PARD3: variants seen among roughly 807,000 people sequenced by gnomAD.
PARD3 encodes the protein partitioning defective 3 homolog.
A neutral mutation model predicts 155.4 loss-of-function variants in PARD3; 75 were observed. That is an observed-to-expected ratio of 0.48 (90% CI 0.40 to 0.58). The LOEUF (loss-of-function observed/expected upper bound fraction) is 0.58. PARD3 is among the 20% of genes least tolerant of loss of function. The pLI is 0.00. For missense variants in PARD3, 1,642 were observed against 1,721.7 expected, an observed-to-expected ratio of 0.95 and a Z score of 0.82; for synonymous variants, 576 against 610.5, an observed-to-expected ratio of 0.94 and a Z score of 0.83.
chr10:34,390,570 C>T (rs938486727), intron 7 of PARD3, among the ~76,000 whole-genome samples: 1 of 152,112 alleles, frequency 6.6e-6, no homozygotes, highest in African/African-American at 2.4e-5. Context: ...CTAAGTGAGG[C>T]TAACTTGCCC....
chr10:34,513,792 G>A (rs774646860), intron 3 of PARD3, among the ~76,000 whole-genome samples: 1 of 152,146 alleles, frequency 6.6e-6, no homozygotes, highest in Non-Finnish European at 1.5e-5. Context: ...ACTGACATCT[G>A]GGCTGCAGAG....
At chr10:34,301,193 C>T (rs140399913) in intron 20 of PARD3, among the ~76,000 whole-genome samples, 4 of 152,266 alleles carry the variant, frequency 2.6e-5, no homozygotes, top group Non-Finnish European at 5.9e-5. Context: ...GCTAGCCACA[C>T]CTGCATCATA....
intron 2 of PARD3, among the ~76,000 whole-genome samples, chr10:34,567,531 G>A (rs1390040657): frequency 1.3e-5 from 2 of 152,094 alleles, no homozygotes; most frequent in Non-Finnish European, 2.9e-5. Context: ...TTTTTACACA[G>A]GTTTGACTTA....
intron 20 of PARD3, among the ~76,000 whole-genome samples, chr10:34,308,143 C>A (rs751302121): frequency 2.7e-5 from 4 of 150,040 alleles, no homozygotes; most frequent in Admixed American, 6.6e-5. Context: ...AAGGAAAGAG[C>A]GGTAGGGACA....
At chr10:34,367,448 G>T (rs1840074821) in intron 12 of PARD3, among the ~76,000 whole-genome samples, 1 of 152,232 alleles carries the variant, frequency 6.6e-6, no homozygotes, top group African/African-American at 2.4e-5. Flanking sequence ...GCTCACGCCT[G>T]TAATCCCGGC....
chr10:34,755,974 A>G (rs992387365), intron 1 of PARD3, among the ~76,000 whole-genome samples: 1 of 151,968 alleles, frequency 6.6e-6, no homozygotes, highest in African/African-American at 2.4e-5. Context: ...ACAACCATGA[A>G]GATGCCCATG....
intron 22 of PARD3, among the ~76,000 whole-genome samples, chr10:34,224,007 T>C (rs1415752248): frequency 1.3e-5 from 2 of 152,236 alleles, no homozygotes; most frequent in African/African-American, 4.8e-5. Context: ...GTGGATATTT[T>C]AAAAGCTTGT....
At chr10:34,289,352 G>T (rs549687643) in intron 20 of PARD3, among the ~76,000 whole-genome samples, 111 of 152,134 alleles carry the variant, frequency 7.3e-4, no homozygotes, top group Non-Finnish European at 1.1e-3. Flanking sequence ...ACCACACCTG[G>T]CTAATTTTTG....
chr10:34,568,593 T>G (rs1261521870), intron 2 of PARD3, among the ~76,000 whole-genome samples: 2 of 152,126 alleles, frequency 1.3e-5, no homozygotes, highest in African/African-American at 4.8e-5. Flanking sequence ...AAATTCTGAG[T>G]CTTAAGAATA....
intron 3 of PARD3, among the ~76,000 whole-genome samples, chr10:34,471,696 C>A (rs1203902005): frequency 6.6e-6 from 1 of 152,110 alleles, no homozygotes; most frequent in Non-Finnish European, 1.5e-5. Context: ...CTACAGGCTA[C>A]TACAAGTGTG....
At chr10:34,545,023 A>G (rs1349566751) in intron 2 of PARD3, among the ~76,000 whole-genome samples, 3 of 152,192 alleles carry the variant, frequency 2.0e-5, no homozygotes, top group Non-Finnish European at 4.4e-5. Flanking sequence ...TTTAGGAAAA[A>G]AGGGGTTCTG....
chr10:34,621,033 A>T (rs945030970), intron 2 of PARD3, among the ~76,000 whole-genome samples: 1 of 152,190 alleles, frequency 6.6e-6, no homozygotes, highest in Non-Finnish European at 1.5e-5. Flanking sequence ...CAGGGTGAAA[A>T]CCCAACCTTC....
chr10:34,424,617 A>G (rs997569672), intron 5 of PARD3, among the ~76,000 whole-genome samples: 3 of 151,870 alleles, frequency 2.0e-5, no homozygotes, highest in Non-Finnish European at 4.4e-5. Context: ...CGGGTTCAAG[A>G]GATTCTCATT....
chr10:34,491,084 A>C (rs2079871403), intron 3 of PARD3, among the ~76,000 whole-genome samples: 1 of 152,200 alleles, frequency 6.6e-6, no homozygotes, highest in Non-Finnish European at 1.5e-5. Context: ...GAGACTCTGC[A>C]TTTCCATCAA....
At chr10:34,319,097 T>TC (rs1391467167) in intron 19 of PARD3, among the ~76,000 whole-genome samples, 188 of 141,962 alleles carry the variant, frequency 1.3e-3, no homozygotes, top group African/African-American at 4.4e-3. Flanking sequence ...TTTTTTTTTT[T>TC]TCTTCTTCTT....
intron 5 of PARD3, among the ~76,000 whole-genome samples, chr10:34,440,812 T>C (rs937997823): frequency 6.6e-6 from 1 of 151,996 alleles, no homozygotes; most frequent in Non-Finnish European, 1.5e-5. Context: ...CCAAACTCCA[T>C]TCATATCACG....
chr10:34,243,706 C>T (rs1041202919), intron 22 of PARD3, among the ~76,000 whole-genome samples: 50 of 152,026 alleles, frequency 3.3e-4, no homozygotes, highest in Non-Finnish European at 2.5e-4. Flanking sequence ...TGTGTCGGCG[C>T]GCACTGAGCA....
chr10:34,293,558 C>T (rs1026778694), intron 20 of PARD3, among the ~76,000 whole-genome samples: 5 of 152,120 alleles, frequency 3.3e-5, no homozygotes, highest in South Asian at 2.1e-4. Flanking sequence ...GCATTGAAAT[C>T]GGTCATGTCC....
intron 1 of PARD3, among the ~76,000 whole-genome samples, chr10:34,729,106 A>G (rs996715887): frequency 5.3e-5 from 8 of 152,238 alleles, no homozygotes; most frequent in Admixed American, 2.0e-4. Context: ...AGGTTTGTGT[A>G]AGTTCACCCT....
Sources: allele counts gnomAD v4.1 joint callset (sites outside exome capture counted in the v4.1 genomes callset), GRCh38; gene constraint gnomAD v4.1.1; transcripts MANE v1.5; gene names NCBI Gene and HGNC (gene_info 2026-07-23, HGNC 2026-07-21).